HPS3: variants seen among roughly 807,000 people sequenced by gnomAD.
HPS3 encodes HPS3 biogenesis of lysosomal organelles complex 2 subunit 1.
In HPS3, 79 loss-of-function variants were observed where a neutral mutation model predicts 110.9. That is an observed-to-expected ratio of 0.71 (90% CI 0.59 to 0.86). The LOEUF is 0.86. Among genes scored for constraint, HPS3 ranks in the 40% least tolerant of loss-of-function variants. The pLI is 0.00. For missense variants in HPS3, 1,197 were observed against 1,206.2 expected, an observed-to-expected ratio of 0.99 and a Z score of 0.11; for synonymous variants, 428 against 451.0, an observed-to-expected ratio of 0.95 and a Z score of 0.65.
chr3:149,160,680 A>G (rs1328466992), intron 11 of HPS3, among the ~76,000 whole-genome samples: 2 of 152,224 alleles, frequency 1.3e-5, no homozygotes, highest in Non-Finnish European at 2.9e-5. Context: ...AGTTGCAGAA[A>G]TAGCCCCCGC....
chr3:149,162,597 T>C (rs1406741927), intron 12 of HPS3, 93 bp from the exon 13 acceptor site: 4 of 1,309,214 alleles, frequency 3.1e-6, no homozygotes, highest in Non-Finnish European at 4.4e-6. Flanking sequence ...ATTGATTGCG[T>C]GGCCCATGTG....
At position 149,162,852 on chromosome 3, in the gene HPS3, A is replaced by G. The variant is rs1248391070; in HGVS notation, c.2455A>G (p.Thr819Ala). Reference protein sequence around the residue: ...RLSKRQPPDTTPLRTSEDLIN... With the variant: ...RLSKRQPPDTAPLRTSEDLIN... ...GTCTAAGAGGCAGCCTCCTGACACCACACCATTGCGAACATCGGAGGATCT... is the reference window on the plus strand; with the variant it reads ...GTCTAAGAGGCAGCCTCCTGACACCGCACCATTGCGAACATCGGAGGATCT... Residue 819 changes from threonine to alanine, a missense_variant, in exon 13 of 17, where the codon ACA becomes GCA. Transcript: ENST00000296051. 1 of 1,613,852 alleles carries G rather than the reference A, an allele frequency of 6.2e-7. No homozygotes were observed. Among genetic ancestry groups the G allele is most frequent in the Non-Finnish European group, 8.5e-7 (1 of 1,179,906 alleles).
chr3:149,156,029 G>A (rs1421845641), intron 8 of HPS3, among the ~76,000 whole-genome samples: 1 of 152,044 alleles, frequency 6.6e-6, no homozygotes, highest in African/African-American at 2.4e-5. Context: ...GCAAGACCCT[G>A]ACTCTTTTGA....
intron 8 of HPS3, 57 bp downstream of exon 8, chr3:149,155,272 T>C: frequency 9.9e-7 from 1 of 1,005,934 alleles, no homozygotes; most frequent in South Asian, 1.3e-5. Context: ...AAATTAATGA[T>C]CAGAAATTGA....
intron 8 of HPS3, among the ~76,000 whole-genome samples, chr3:149,155,844 G>C (rs1349409805): frequency 2.0e-5 from 3 of 152,088 alleles, no homozygotes; most frequent in Non-Finnish European, 4.4e-5. Flanking sequence ...GACTAGCCTG[G>C]GTAACATAGT....
At chr3:149,147,186 A>G (rs907693665) in intron 5 of HPS3, among the ~76,000 whole-genome samples, 2 of 152,174 alleles carry the variant, frequency 1.3e-5, no homozygotes, top group Non-Finnish European at 2.9e-5. Context: ...GGCTGGTGAA[A>G]TGTGGGGCAA....
chr3:149,133,758 A>G (rs1419599038), intron 1 of HPS3, among the ~76,000 whole-genome samples: 2 of 152,142 alleles, frequency 1.3e-5, no homozygotes, highest in African/African-American at 2.4e-5. Flanking sequence ...TTTTTTAGCA[A>G]TAAAATATTT....
In HPS3 at chr3:149,173,051, G is replaced by A. The variant is rs1333876657; in HGVS notation, c.*829G>A. ...TTATCCTCTGAATGCAGTTAAGGCT[G>A]GGCAGAAATTCTACTCATGTGACAT... On this transcript the variant is annotated 3_prime_UTR_variant, in exon 17 of 17. Coordinates refer to ENST00000296051, the MANE Select transcript of HPS3 (RefSeq NM_032383.5). The A allele has an allele frequency of 6.6e-6, 1 of 152,384 alleles. No individual in the cohort carries two copies. The highest frequency in any genetic ancestry group is 1.5e-5 in the Non-Finnish European group (1 of 67,978). 9.4% of individuals were successfully genotyped at this position (152,384 alleles called of 1,614,324 possible).
intron 1 of HPS3, among the ~76,000 whole-genome samples, chr3:149,131,952 C>A (rs1444073861): frequency 1.3e-5 from 2 of 152,184 alleles, no homozygotes; most frequent in African/African-American, 4.8e-5. Context: ...CTCCCTTAAG[C>A]CCAGGCTTAA....
intron 1 of HPS3, among the ~76,000 whole-genome samples, chr3:149,139,560 TC>T (rs1299672688): frequency 2.0e-5 from 3 of 152,224 alleles, no homozygotes; most frequent in Non-Finnish European, 2.9e-5. Flanking sequence ...TCCAACTTTA[TC>T]CTGTTTCTCA....
At position 149,172,174 on chromosome 3, in the gene HPS3, T is replaced by C. The variant is rs1170514296; in HGVS notation, c.2967T>C (p.Phe989=). ...NVLPEDGTAT[F]FLPYLLYCSR... is the part of the protein sequence containing the mutation. ...TCCCAGAAGATGGTACTGCAACATT[T>C]TTCTTGCCATATCTTCTCTATTGCA... Residue 989 remains phenylalanine, a synonymous_variant, in exon 17 of 17, where the codon TTT becomes TTC. Transcript: ENST00000296051. 1.5e-5 allele frequency: 25 copies of C among 1,613,554 alleles called. No homozygotes were observed. The highest frequency in any genetic ancestry group is 1.9e-5 in the Non-Finnish European group (23 of 1,179,624).
At chr3:149,133,304 A>T (rs1034034516) in intron 1 of HPS3, among the ~76,000 whole-genome samples, 63 of 151,640 alleles carry the variant, frequency 4.2e-4, no homozygotes, top group African/African-American at 1.5e-3. Context: ...ATTTTATTTT[A>T]TTTTATTTTT....
intron 7 of HPS3, 67 bp downstream of exon 7, chr3:149,153,715 T>A: frequency 6.7e-7 from 1 of 1,495,254 alleles, no homozygotes; most frequent in Non-Finnish European, 9.3e-7. Context: ...GTATATTTTG[T>A]GTTTATCTTT....
In HPS3 at chr3:149,173,462, T is replaced by C; in HGVS notation, c.*1240T>C. On this transcript the variant is annotated 3_prime_UTR_variant, in exon 17 of 17. Transcript: ENST00000296051. ...TTATAAAACCCTAACAGCGGTGATATCATTAGACTGTATGAATCAGTTTTA... is the reference window on the plus strand; with the variant it reads ...TTATAAAACCCTAACAGCGGTGATACCATTAGACTGTATGAATCAGTTTTA... 3.1e-6 allele frequency: 1 copy of C among 318,068 alleles called. No homozygotes were observed. The highest frequency in any genetic ancestry group is 6.3e-5 in the South Asian group (1 of 15,840). The allele number at this position is 318,068 out of a possible 1,614,324, so 19.7% of individuals were successfully genotyped here. A position where few individuals can be genotyped will look rare whatever the true frequency, so the allele number is the denominator to read the frequency against.
At chr3:149,168,620 T>C (rs1287296085) in intron 16 of HPS3, among the ~76,000 whole-genome samples, 1 of 152,144 alleles carries the variant, frequency 6.6e-6, no homozygotes, top group African/African-American at 2.4e-5. Flanking sequence ...GCCAAGACAG[T>C]TGATTTTTAA....
rs368996227 is a variant in HPS3, at chr3:149,145,227, G to A, written c.971-127G>A. 1.9e-4 allele frequency: 138 copies of A among 717,444 alleles called. No homozygotes were observed. In the African/African-American group the frequency reaches 2.0e-3, roughly 10 times the overall value. 44.4% of individuals were successfully genotyped at this position (717,444 alleles called of 1,614,324 possible). A position where few individuals can be genotyped will look rare whatever the true frequency, so the allele number is the denominator to read the frequency against. On this transcript the variant is annotated intron_variant, in intron 4 of 16. Transcript: ENST00000296051. ...TCTTACCAACATTCTTCTATAAAGA[G>A]CAACTTCCCCTTTGCAACTCTTTGG...
In HPS3 at chr3:149,165,721, C is replaced by T. The variant is rs77305405; in HGVS notation, c.2590-1313C>T. On this transcript the variant is annotated intron_variant, in intron 14 of 16. Transcript: ENST00000296051. ...GTTGAAGTTATGACTACTTTCATTTCAGTCATAATTTGGTACACATGCTTT... is the reference window on the plus strand; with the variant it reads ...GTTGAAGTTATGACTACTTTCATTTTAGTCATAATTTGGTACACATGCTTT... Among the ~76,000 whole-genome samples the T allele has an allele frequency of 1.2e-3, 187 of 152,292 alleles. 3 individuals are homozygous for T. In the East Asian group the frequency reaches 0.02, roughly 16 times the overall value.
intron 4 of HPS3, among the ~76,000 whole-genome samples, chr3:149,144,114 C>G (rs1477601423): frequency 2.0e-5 from 3 of 151,768 alleles, no homozygotes; most frequent in Non-Finnish European, 4.4e-5. Context: ...CGGTGGTTCA[C>G]GCCTGTAATC....
intron 1 of HPS3, chr3:149,130,203 C>T (rs1443021077): frequency 8.9e-6 from 5 of 563,672 alleles, no homozygotes; most frequent in African/African-American, 5.7e-5. Context: ...TGCAGAAAGG[C>T]CTCTGGCTGG....
Sources: gnomAD v4.1 joint callset for allele counts (sites outside exome capture counted in the v4.1 genomes callset) on GRCh38, gnomAD v4.1.1 for gene constraint, MANE v1.5 for transcripts, NCBI Gene and HGNC (gene_info 2026-07-23, HGNC 2026-07-21) for gene names.